The following JAZF1 variants were observed in gnomAD, a reference collection of about 807,000 sequenced individuals.
JAZF1 encodes the protein JAZF zinc finger 1.
In JAZF1, 8 loss-of-function variants were observed where a neutral mutation model predicts 26.4. That is an observed-to-expected ratio of 0.30 (90% CI 0.18 to 0.55). The LOEUF is 0.55. JAZF1 is among the 20% of genes least tolerant of loss of function. The probability of loss-of-function intolerance (pLI) is 0.94; values close to 1 mark genes in which losing one functional copy is unlikely to be tolerated. For missense variants in JAZF1, 199 were observed against 322.0 expected, an observed-to-expected ratio of 0.62 and a Z score of 2.92; for synonymous variants, 126 against 122.3, an observed-to-expected ratio of 1.03 and a Z score of -0.20.
chr7:28,077,880 T>C (rs975225355), intron 1 of JAZF1, among the ~76,000 whole-genome samples: 1 of 152,226 alleles, frequency 6.6e-6, no homozygotes, highest in Non-Finnish European at 1.5e-5. Context: ...ATTTGGATTA[T>C]GTACATCCGG....
At chr7:28,008,939 T>C (rs191669830) in intron 1 of JAZF1, among the ~76,000 whole-genome samples, 234 of 152,350 alleles carry the variant, frequency 1.5e-3, no homozygotes, top group Admixed American at 4.2e-3. Flanking sequence ...AAGATACATT[T>C]AAATGATTTT....
intron 2 of JAZF1, among the ~76,000 whole-genome samples, chr7:27,909,175 A>C (rs1415673494): frequency 6.9e-6 from 1 of 144,016 alleles, no homozygotes; most frequent in Non-Finnish European, 1.5e-5. Context: ...AGGCCCTGCT[A>C]ATTTTGAATA....
chr7:27,906,784 C>T (rs947010650), intron 2 of JAZF1, among the ~76,000 whole-genome samples: 1 of 152,212 alleles, frequency 6.6e-6, no homozygotes, highest in African/African-American at 2.4e-5. Context: ...TCCTTTTCTA[C>T]CCTCATTGAA....
intron 2 of JAZF1, among the ~76,000 whole-genome samples, chr7:27,905,679 G>A (rs1466212241): frequency 6.6e-6 from 1 of 150,754 alleles, no homozygotes; most frequent in Non-Finnish European, 1.5e-5. Flanking sequence ...ATAACATTGG[G>A]TTGCCAATTT....
intron 3 of JAZF1, among the ~76,000 whole-genome samples, chr7:27,885,613 G>A (rs923722455): frequency 5.9e-5 from 9 of 152,016 alleles, no homozygotes; most frequent in African/African-American, 1.7e-4. Flanking sequence ...GATTGTTGTC[G>A]CAATTTCTTG....
chr7:27,936,844 G>A (rs895292300), intron 2 of JAZF1, among the ~76,000 whole-genome samples: 7 of 152,166 alleles, frequency 4.6e-5, no homozygotes, highest in Non-Finnish European at 1.0e-4. Flanking sequence ...CCTCCAGAAT[G>A]AGCTCCATGC....
intron 2 of JAZF1, among the ~76,000 whole-genome samples, chr7:27,974,299 A>C (rs984002521): frequency 6.6e-6 from 1 of 152,132 alleles, no homozygotes; most frequent in African/African-American, 2.4e-5. Flanking sequence ...AGAAAAGCAA[A>C]ATGCTAGGGA....
chr7:28,087,408 C>T (rs1301623801), intron 1 of JAZF1, among the ~76,000 whole-genome samples: 2 of 151,696 alleles, frequency 1.3e-5, no homozygotes, highest in Non-Finnish European at 2.9e-5. Flanking sequence ...AAAGTGATCC[C>T]TAATTTTTGT....
chr7:27,958,212 T>C (rs1347771074), intron 2 of JAZF1, among the ~76,000 whole-genome samples: 1 of 152,216 alleles, frequency 6.6e-6, no homozygotes, highest in Non-Finnish European at 1.5e-5. Flanking sequence ...TAACATTCAT[T>C]CCTGTTCTTA....
At chr7:28,075,411 A>G (rs1784035569) in intron 1 of JAZF1, among the ~76,000 whole-genome samples, 1 of 152,212 alleles carries the variant, frequency 6.6e-6, no homozygotes, top group Non-Finnish European at 1.5e-5. Flanking sequence ...AAAAGTATGT[A>G]TTAAGTAAAT....
rs968047038 is a variant in JAZF1, at chr7:27,922,268, G to A, written c.189-26852C>T. On this transcript the variant is annotated intron_variant, in intron 2 of 4. Transcript: ENST00000283928. ...AAAGTATTCTTTTTTTGTTGGAGAC[G>A]GAGTCTCACTCAGTCGCCCAGGCTG... 2.6e-5 allele frequency among the ~76,000 whole-genome samples: 4 copies of A among 152,056 alleles called. No individual in the cohort carries two copies. In the East Asian group the frequency reaches 5.8e-4, roughly 22 times the overall value.
intron 2 of JAZF1, among the ~76,000 whole-genome samples, chr7:27,988,105 T>C (rs1785771661): frequency 6.6e-6 from 1 of 152,044 alleles, no homozygotes; most frequent in Non-Finnish European, 1.5e-5. Context: ...TTCACATGTT[T>C]ATCTGCTGAC....
At chr7:27,875,151 T>A (rs1229518700) in intron 3 of JAZF1, among the ~76,000 whole-genome samples, 1 of 152,142 alleles carries the variant, frequency 6.6e-6, no homozygotes, top group Non-Finnish European at 1.5e-5. Flanking sequence ...TTGTCTCCCA[T>A]CCGTGCAAGA....
chr7:27,902,624 G>A (rs996008523), intron 2 of JAZF1, among the ~76,000 whole-genome samples: 3 of 152,180 alleles, frequency 2.0e-5, no homozygotes, highest in African/African-American at 7.2e-5. Flanking sequence ...TCCGACCAAG[G>A]GTTGTGGTGA....
chr7:27,909,845 T>C (rs1784331080), intron 2 of JAZF1, among the ~76,000 whole-genome samples: 1 of 152,252 alleles, frequency 6.6e-6, no homozygotes, highest in Admixed American at 6.5e-5. Context: ...ATTTTTCATC[T>C]TGTGTTCACA....
At position 27,907,332 on chromosome 7, in the gene JAZF1, G is replaced by C. The variant is rs535888231; in HGVS notation, c.189-11916C>G. ...TCAATATATGTTAGGAGACCACTCAGAGTTGTGGTATTTCCATGGGTGCTG... is the reference window on the plus strand; with the variant it reads ...TCAATATATGTTAGGAGACCACTCACAGTTGTGGTATTTCCATGGGTGCTG... On this transcript the variant is annotated intron_variant, in intron 2 of 4. Coordinates refer to ENST00000283928, the MANE Select transcript of JAZF1 (RefSeq NM_175061.4). 5.3e-5 allele frequency among the ~76,000 whole-genome samples: 8 copies of C among 152,312 alleles called. No individual in the cohort carries two copies. The South Asian group carries it at 1.7e-3, about 32-fold the overall frequency.
chr7:28,059,591 T>C (rs912935026), intron 1 of JAZF1, among the ~76,000 whole-genome samples: 1 of 152,184 alleles, frequency 6.6e-6, no homozygotes. Flanking sequence ...TTGTCCCTTC[T>C]TTTAACTCTT....
At chr7:27,867,993 G>A (rs1452845042) in intron 3 of JAZF1, among the ~76,000 whole-genome samples, 1 of 152,184 alleles carries the variant, frequency 6.6e-6, no homozygotes, top group African/African-American at 2.4e-5. Flanking sequence ...ACTAGCCTGG[G>A]TTCCATGTTG....
intron 1 of JAZF1, among the ~76,000 whole-genome samples, chr7:28,041,716 C>T (rs1284968202): frequency 2.6e-5 from 4 of 152,166 alleles, no homozygotes; most frequent in African/African-American, 9.7e-5. Context: ...GAAAGGGCCA[C>T]CTTACTTTTT....
Sources: allele counts gnomAD v4.1 joint callset (sites outside exome capture counted in the v4.1 genomes callset), GRCh38; gene constraint gnomAD v4.1.1; transcripts MANE v1.5; gene names NCBI Gene and HGNC (gene_info 2026-07-23, HGNC 2026-07-21).